PLPP3: variants seen among roughly 807,000 people sequenced by gnomAD.
The protein encoded by PLPP3 is phospholipid phosphatase 3.
PLPP3 carries 6 observed loss-of-function variants against 29.6 expected under a neutral mutation model. The observed-to-expected ratio is 0.20, with a 90% CI of 0.11 to 0.40. PLPP3 has a LOEUF of 0.40. Ranked by LOEUF, PLPP3 falls within the 10% of genes least tolerant of loss-of-function variation. PLPP3 has a pLI of 1.00. For synonymous variants in PLPP3, 152 were observed against 159.7 expected (o/e 0.95, Z 0.36); for missense variants, 308 against 407.7 (o/e 0.76, Z 2.11).
chr1:56,519,973 G>A (rs1352423707), intron 4 of PLPP3, among the ~76,000 whole-genome samples: 1 of 152,174 alleles, frequency 6.6e-6, no homozygotes, highest in African/African-American at 2.4e-5. Flanking sequence ...CTTCCGGTCT[G>A]CCATTCTCTG....
rs1646256994 is a variant in PLPP3 at position 56,578,879 on chromosome 1, C to T, written c.138G>A (p.Met46Ile). The change falls in exon 1 of 6, where the codon ATG becomes ATA. Residue 46 changes from methionine to isoleucine, a missense_variant and splice_region_variant. Transcript: ENST00000371250. Reference protein sequence around the residue: ...LICLDLFCLFMAGLPFLIIET... With the variant: ...LICLDLFCLFIAGLPFLIIET... Reference sequence around the variant, plus strand: ...GAGGGACAGCGGGGCTGGGCTCACCCATGAAGAGGCAGAAGAGGTCGAGGC... The same window carrying T: ...GAGGGACAGCGGGGCTGGGCTCACCTATGAAGAGGCAGAAGAGGTCGAGGC... 2 of 1,575,732 alleles carry T rather than the reference C, an allele frequency of 1.3e-6. No homozygotes were observed. Among genetic ancestry groups the T allele is most frequent in the South Asian group, 1.1e-5 (1 of 87,716 alleles).
At chr1:56,506,402 G>A (rs1416923635) in intron 5 of PLPP3, among the ~76,000 whole-genome samples, 1 of 152,140 alleles carries the variant, frequency 6.6e-6, no homozygotes, top group South Asian at 2.1e-4. Flanking sequence ...CTGGGGCAGA[G>A]ACAAAGAACG....
intron 1 of PLPP3, among the ~76,000 whole-genome samples, chr1:56,537,687 G>A (rs1418977): frequency 0.093 from 14,094 of 152,022 alleles, 879 homozygotes; most frequent in Middle Eastern, 0.13. Context: ...GGAGATCAAC[G>A]CACACACAAC....
intron 4 of PLPP3, chr1:56,516,847 C>T (rs989797666): frequency 6.6e-6 from 1 of 151,952 alleles, no homozygotes; most frequent in African/African-American, 2.4e-5. Flanking sequence ...GTTTCCCATA[C>T]CCCAAAATGA....
rs569426958 is a variant in PLPP3, at chr1:56,520,413, T to TA, written c.633+3409dup. Among the ~76,000 whole-genome samples the TA allele has an allele frequency of 3.5e-3, 532 of 152,194 alleles. 3 individuals are homozygous for TA. Among genetic ancestry groups the TA allele is most frequent in the Non-Finnish European group, 5.7e-3 (387 of 67,996 alleles). ...GCATGAACAAAAAAACAGCACTGGG[T>TA]ACACCGGGGAGTCCAGTCTCTTTGC... On this transcript the variant is annotated intron_variant, in intron 4 of 5. Transcript: ENST00000371250.
At chr1:56,569,771 G>A (rs910704351) in intron 1 of PLPP3, among the ~76,000 whole-genome samples, 3 of 151,688 alleles carry the variant, frequency 2.0e-5, no homozygotes, top group Admixed American at 6.6e-5. Context: ...TTCTTCCCCC[G>A]CACAGTGCAA....
At chr1:56,510,956 C>T (rs907698639) in intron 5 of PLPP3, among the ~76,000 whole-genome samples, 1 of 152,166 alleles carries the variant, frequency 6.6e-6, no homozygotes, top group Non-Finnish European at 1.5e-5. Context: ...AGCCTGCAAC[C>T]AGGCTCAGAA....
At chr1:56,572,507 C>A (rs1249597177) in intron 1 of PLPP3, among the ~76,000 whole-genome samples, 1 of 152,130 alleles carries the variant, frequency 6.6e-6, no homozygotes, top group Non-Finnish European at 1.5e-5. Flanking sequence ...TTGTCCCTTT[C>A]AAAGGGGAAG....
intron 1 of PLPP3, among the ~76,000 whole-genome samples, chr1:56,569,829 T>C (rs993366182): frequency 6.6e-6 from 1 of 152,154 alleles, no homozygotes; most frequent in Admixed American, 6.5e-5. Context: ...TCTTCCCAAA[T>C]AGGTCCCTGC....
At chr1:56,532,278 CCTCT>C (rs1422142494) in intron 2 of PLPP3, among the ~76,000 whole-genome samples, 1 of 152,146 alleles carries the variant, frequency 6.6e-6, no homozygotes, top group Non-Finnish European at 1.5e-5. Context: ...ATTAATGTGG[CCTCT>C]CTCTGTTGGT....
chr1:56,517,089 G>A (rs189712076), intron 4 of PLPP3: 1 of 152,314 alleles, frequency 6.6e-6, no homozygotes, highest in East Asian at 1.9e-4. Flanking sequence ...TTGCATACTG[G>A]TGGAACAGGT....
At chr1:56,556,956 A>G (rs1367908313) in intron 1 of PLPP3, among the ~76,000 whole-genome samples, 11 of 3,444 alleles carry the variant, frequency 3.2e-3, no homozygotes, top group African/African-American at 4.9e-3. Flanking sequence ...GACAGAGAGA[A>G]AGAAAGAAAG....
chr1:56,571,475 C>A (rs1437458560), intron 1 of PLPP3, among the ~76,000 whole-genome samples: 4 of 152,144 alleles, frequency 2.6e-5, no homozygotes, highest in African/African-American at 7.2e-5. Context: ...TCTCCCTTCC[C>A]CAGCTCAAAA....
At chr1:56,556,149 C>A (rs1646075059) in intron 1 of PLPP3, among the ~76,000 whole-genome samples, 1 of 152,140 alleles carries the variant, frequency 6.6e-6, no homozygotes, top group Admixed American at 6.5e-5. Context: ...CCCTCTCCCA[C>A]CAAATTCATG....
chr1:56,542,123 A>G (rs1477388122), intron 1 of PLPP3, among the ~76,000 whole-genome samples: 1 of 152,150 alleles, frequency 6.6e-6, no homozygotes, highest in Non-Finnish European at 1.5e-5. Flanking sequence ...ACTCACTGAC[A>G]AACACTTAAT....
At chr1:56,562,422 A>AT (rs1557515271) in intron 1 of PLPP3, among the ~76,000 whole-genome samples, 1 of 152,184 alleles carries the variant, frequency 6.6e-6, no homozygotes, top group Non-Finnish European at 1.5e-5. Flanking sequence ...CTGTAAAGAC[A>AT]TTTTTTCAGA....
Position 56,537,115 on chromosome 1 carries a change from G to T in PLPP3, c.140-3C>A. On this transcript the variant is annotated splice_region_variant and splice_polypyrimidine_tract_variant and intron_variant, in intron 1 of 5. Transcript: ENST00000371250. ...GATGATGAGGAAGGGGAGGCCCGCT[G>T]GTCCAGGTGGAACCATGGCATATAC... 6.8e-6 allele frequency: 11 copies of T among 1,613,276 alleles called. No homozygotes were observed. The highest frequency in any genetic ancestry group is 6.8e-6 in the Non-Finnish European group (8 of 1,179,640).
chr1:56,523,719 A>G (rs528166925), intron 4 of PLPP3, 104 bp downstream of exon 4: 16 of 1,286,762 alleles, frequency 1.2e-5, no homozygotes. Context: ...TTTTTCAAGG[A>G]TTTCACAGTG....
chr1:56,537,641 T>C (rs1165909666), intron 1 of PLPP3, among the ~76,000 whole-genome samples: 10 of 152,092 alleles, frequency 6.6e-5, no homozygotes, highest in Non-Finnish European at 1.5e-4. Flanking sequence ...GTCCCAGTTT[T>C]TTCCCACAGT....
Sources: gnomAD v4.1 joint callset for allele counts (sites outside exome capture counted in the v4.1 genomes callset) on GRCh38, gnomAD v4.1.1 for gene constraint, MANE v1.5 for transcripts, NCBI Gene and HGNC (gene_info 2026-07-23, HGNC 2026-07-21) for gene names.